The following SGCZ variants were observed in gnomAD, a reference collection of about 807,000 sequenced individuals.
The protein encoded by SGCZ is sarcoglycan zeta.
In SGCZ, 40 loss-of-function variants were observed where a neutral mutation model predicts 41.3. That is an observed-to-expected ratio of 0.97 (90% CI 0.75 to 1.26). The LOEUF is 1.26. Among genes scored for constraint, SGCZ ranks in the 50% most tolerant of loss-of-function variants. SGCZ has a pLI of 0.00. For missense variants in SGCZ, 552 were observed against 369.8 expected (o/e 1.49, Z -4.04); for synonymous variants, 206 against 137.5 (o/e 1.50, Z -3.49).
chr8:14,227,372 T>C (rs1013211872), intron 4 of SGCZ, among the ~76,000 whole-genome samples: 1 of 152,056 alleles, frequency 6.6e-6, no homozygotes. Flanking sequence ...CATTAAACAA[T>C]AGACTGATGG....
At position 14,768,278 on chromosome 8, in the gene SGCZ, T is replaced by C. The variant is rs536949577; in HGVS notation, c.40-213352A>G. Among the ~76,000 whole-genome samples, 13 of 152,322 alleles carry C rather than the reference T, an allele frequency of 8.5e-5. No homozygotes were observed. The East Asian group carries it at 2.3e-3, about 27-fold the overall frequency. On this transcript the variant is annotated intron_variant, in intron 1 of 7. Coordinates refer to ENST00000382080, the MANE Select transcript of SGCZ (RefSeq NM_139167.4). ...TTGAATTAAGAAGAGGCTGTGTTCT[T>C]CCATTGACTGAGCTATTCAACGGAA...
intron 1 of SGCZ, among the ~76,000 whole-genome samples, chr8:15,042,511 G>C (rs1028698396): frequency 6.6e-6 from 1 of 152,158 alleles, no homozygotes; most frequent in Non-Finnish European, 1.5e-5. Flanking sequence ...AAATTAGCAA[G>C]ATTCAAAGGT....
intron 1 of SGCZ, among the ~76,000 whole-genome samples, chr8:15,061,598 G>A (rs2131011857): frequency 6.6e-6 from 1 of 151,602 alleles, no homozygotes; most frequent in East Asian, 1.9e-4. Flanking sequence ...GATTCATTCT[G>A]TCCTGCTCTT....
chr8:15,161,898 G>C (rs1470440221), intron 1 of SGCZ, among the ~76,000 whole-genome samples: 1 of 152,072 alleles, frequency 6.6e-6, no homozygotes, highest in Non-Finnish European at 1.5e-5. Context: ...AGCTGGGCGT[G>C]GGGGTGCACA....
chr8:14,223,486 C>T (rs1315646178), intron 4 of SGCZ, among the ~76,000 whole-genome samples: 1 of 151,982 alleles, frequency 6.6e-6, no homozygotes, highest in Non-Finnish European at 1.5e-5. Context: ...TAATAGAATT[C>T]AATTTACTAC....
At chr8:15,101,699 G>A (rs1026424427) in intron 1 of SGCZ, among the ~76,000 whole-genome samples, 1 of 152,142 alleles carries the variant, frequency 6.6e-6, no homozygotes, top group Admixed American at 6.5e-5. Context: ...GCGAGGATGA[G>A]GCAGGCAGAT....
At chr8:14,585,316 G>T (rs767697728) in intron 1 of SGCZ, among the ~76,000 whole-genome samples, 3 of 152,068 alleles carry the variant, frequency 2.0e-5, no homozygotes, top group Non-Finnish European at 4.4e-5. Flanking sequence ...ATCAGCTGTA[G>T]CTCTGTGACA....
intron 1 of SGCZ, among the ~76,000 whole-genome samples, chr8:14,737,256 G>A (rs374023301): frequency 3.3e-5 from 5 of 150,818 alleles, no homozygotes; most frequent in Admixed American, 2.0e-4. Context: ...CTATATTGTT[G>A]ATCAATAGGA....
At chr8:14,359,191 A>C (rs559981391) in intron 2 of SGCZ, among the ~76,000 whole-genome samples, 1 of 152,258 alleles carries the variant, frequency 6.6e-6, no homozygotes, top group East Asian at 1.9e-4. Flanking sequence ...TTATAATCAA[A>C]CTCCCAAAAG....
At chr8:14,862,557 TATATATATATATATATATATATATAC>T (rs953411877) in intron 1 of SGCZ, among the ~76,000 whole-genome samples, 17 of 137,488 alleles carry the variant, frequency 1.2e-4, no homozygotes, top group African/African-American at 4.0e-4. Flanking sequence ...TATATATATA[TATATATATATATATATATATATATAC>T]ACACACAATT....
intron 2 of SGCZ, among the ~76,000 whole-genome samples, chr8:14,551,566 T>TA (rs1563404788): frequency 0.012 from 337 of 28,030 alleles, 11 homozygotes; most frequent in South Asian, 0.027. Flanking sequence ...ATATTATATA[T>TA]ATAATATATA....
intron 1 of SGCZ, among the ~76,000 whole-genome samples, chr8:14,986,388 A>T (rs941661401): frequency 6.6e-6 from 1 of 152,040 alleles, no homozygotes; most frequent in Admixed American, 6.6e-5. Context: ...TTTAAATGGA[A>T]GGCAATTTGA....
At chr8:14,227,922 T>G (rs1806428040) in intron 4 of SGCZ, among the ~76,000 whole-genome samples, 2 of 152,042 alleles carry the variant, frequency 1.3e-5, no homozygotes, top group Admixed American at 1.3e-4. Context: ...TCATAAGTAA[T>G]GGTTTCCCCC....
At chr8:14,958,434 G>A (rs985857566) in intron 1 of SGCZ, among the ~76,000 whole-genome samples, 5 of 151,980 alleles carry the variant, frequency 3.3e-5, no homozygotes, top group African/African-American at 1.2e-4. Context: ...GATACGTTAG[G>A]TAACATGGTA....
intron 2 of SGCZ, among the ~76,000 whole-genome samples, chr8:14,333,103 G>T (rs1018527990): frequency 2.0e-5 from 3 of 151,924 alleles, no homozygotes; most frequent in African/African-American, 4.8e-5. Flanking sequence ...AAAATCAACT[G>T]GTATAGCTCA....
intron 2 of SGCZ, among the ~76,000 whole-genome samples, chr8:14,407,572 A>C (rs1799245710): frequency 6.6e-6 from 1 of 152,172 alleles, no homozygotes; most frequent in Non-Finnish European, 1.5e-5. Context: ...TCAAAGAGGC[A>C]TTCCACCACT....
chr8:14,287,164 G>A (rs374883677), intron 3 of SGCZ, among the ~76,000 whole-genome samples: 1 of 150,768 alleles, frequency 6.6e-6, no homozygotes, highest in African/African-American at 2.4e-5. Context: ...TAAATTTTTG[G>A]TTGTTGCAAA....
intron 1 of SGCZ, among the ~76,000 whole-genome samples, chr8:14,971,725 C>A (rs1054710672): frequency 6.8e-6 from 1 of 147,184 alleles, no homozygotes; most frequent in Non-Finnish European, 1.5e-5. Context: ...CCTAGGCTGA[C>A]TGCAACCTCC....
intron 2 of SGCZ, among the ~76,000 whole-genome samples, chr8:14,348,409 G>A (rs768115451): frequency 3.3e-5 from 5 of 152,056 alleles, no homozygotes; most frequent in Non-Finnish European, 7.4e-5. Flanking sequence ...CTGAACCTGA[G>A]TTCAGTTACA....
Sources: allele counts gnomAD v4.1 joint callset (sites outside exome capture counted in the v4.1 genomes callset), GRCh38; gene constraint gnomAD v4.1.1; transcripts MANE v1.5; gene names NCBI Gene and HGNC (gene_info 2026-07-23, HGNC 2026-07-21).